Variants in DLGAP2 observed in about 807,000 individuals in gnomAD.
The protein encoded by DLGAP2 is disks large-associated protein 2.
In DLGAP2, 26 loss-of-function variants were observed where a neutral mutation model predicts 100.3. That is an observed-to-expected ratio of 0.26 (90% CI 0.19 to 0.36). The LOEUF is 0.36. DLGAP2 is among the 10% of genes least tolerant of loss of function. DLGAP2 has a pLI of 1.00. For missense variants in DLGAP2, 1,858 were observed against 1,453.2 expected, an observed-to-expected ratio of 1.28 and a Z score of -4.53; for synonymous variants, 886 against 630.1, an observed-to-expected ratio of 1.41 and a Z score of -6.08.
rs190450687 is a variant in DLGAP2, at chr8:1,373,105, G to A, written c.106+114222G>A. On this transcript the variant is annotated intron_variant, in intron 3 of 14. Coordinates refer to ENST00000637795, the MANE Select transcript of DLGAP2 (RefSeq NM_001346810.2). ...GGTGAGTGATGACCCCGAGACCTCC[G>A]TGCCTGGGGGGGCGCCAGCATGTGG... is the stretch of plus-strand genomic sequence containing the variant. Among the ~76,000 whole-genome samples, 1,061 of 152,306 alleles carry A rather than the reference G, an allele frequency of 7.0e-3. 9 individuals are homozygous for A. The highest frequency in any genetic ancestry group is 0.024 in the African/African-American group (988 of 41,568).
At chr8:1,665,788 A>G (rs1474097165) in intron 8 of DLGAP2, among the ~76,000 whole-genome samples, 1 of 152,252 alleles carries the variant, frequency 6.6e-6, no homozygotes, top group African/African-American at 2.4e-5. Flanking sequence ...CGTGTCATTG[A>G]TGATAAAGAT....
intron 3 of DLGAP2, among the ~76,000 whole-genome samples, chr8:1,408,024 T>A (rs1318699225): frequency 6.6e-6 from 1 of 152,208 alleles, no homozygotes; most frequent in Admixed American, 6.5e-5. Context: ...CAGCACTGGA[T>A]GCCAGTCAGG....
rs139673468 is a variant in DLGAP2 at position 1,367,827 on chromosome 8, C to A, written c.106+108944C>A. On this transcript the variant is annotated intron_variant, in intron 3 of 14. Coordinates refer to ENST00000637795, the MANE Select transcript of DLGAP2 (RefSeq NM_001346810.2). ...AATATCAAGATTGTATCACAAATAGCAAGTTATTTAGCCTTTATCTAGACA... is the reference window on the plus strand; with the variant it reads ...AATATCAAGATTGTATCACAAATAGAAAGTTATTTAGCCTTTATCTAGACA... Among the ~76,000 whole-genome samples the A allele has an allele frequency of 3.4e-3, 519 of 152,276 alleles. 1 individual carries two copies. Among genetic ancestry groups the A allele is most frequent in the African/African-American group, 0.012 (481 of 41,564 alleles).
At chr8:1,170,370 T>G (rs1285176270) in intron 2 of DLGAP2, among the ~76,000 whole-genome samples, 11 of 152,110 alleles carry the variant, frequency 7.2e-5, no homozygotes, top group Admixed American at 5.2e-4. Context: ...TCTGCCAGGC[T>G]TTGGTATCAG....
At chr8:1,349,654 G>A (rs1321540087) in intron 3 of DLGAP2, among the ~76,000 whole-genome samples, 1 of 60,156 alleles carries the variant, frequency 1.7e-5, no homozygotes. Context: ...ACACAGGTAG[G>A]AAGGGGTGTT....
intron 1 of DLGAP2, among the ~76,000 whole-genome samples, chr8:906,718 G>C (rs1584880248): frequency 2.0e-5 from 3 of 152,354 alleles, no homozygotes; most frequent in South Asian, 4.1e-4. Context: ...TGCCCCGACT[G>C]TCTCACCGCG....
intron 2 of DLGAP2, among the ~76,000 whole-genome samples, chr8:1,118,549 G>GGCT (rs367619218): frequency 4.7e-4 from 72 of 151,700 alleles, no homozygotes; most frequent in African/African-American, 1.6e-3. Flanking sequence ...AAATGAATGG[G>GGCT]GCTGCTGCTG....
At chr8:1,336,799 CTGT>C (rs1801285378) in intron 3 of DLGAP2, among the ~76,000 whole-genome samples, 1 of 152,076 alleles carries the variant, frequency 6.6e-6, no homozygotes. Context: ...TACTTAAGAG[CTGT>C]TGTTCATTTA....
At chr8:1,032,790 T>C (rs1802011667) in intron 2 of DLGAP2, 1 of 152,240 alleles carries the variant, frequency 6.6e-6, no homozygotes, top group East Asian at 1.9e-4. Context: ...CTGTGACGCA[T>C]CCCGTTGTCA....
At chr8:1,138,629 C>T (rs958417696) in intron 2 of DLGAP2, among the ~76,000 whole-genome samples, 13 of 152,234 alleles carry the variant, frequency 8.5e-5, no homozygotes, top group African/African-American at 2.2e-4. Context: ...CAACGAATTC[C>T]GTCTTTAAAT....
intron 3 of DLGAP2, among the ~76,000 whole-genome samples, chr8:1,292,081 C>T (rs1800071467): frequency 6.6e-6 from 1 of 152,202 alleles, no homozygotes; most frequent in Non-Finnish European, 1.5e-5. Context: ...ACTCTGAAGA[C>T]AGATGAATTG....
intron 8 of DLGAP2, 63 bp from the exon 9 acceptor site, chr8:1,668,266 C>G: frequency 1.4e-6 from 2 of 1,405,718 alleles, no homozygotes; most frequent in Non-Finnish European, 1.9e-6. Flanking sequence ...CGTGGGGAAA[C>G]AGTAGACCAC....
At chr8:1,561,095 A>T (rs1802142385) in intron 5 of DLGAP2, among the ~76,000 whole-genome samples, 1 of 152,080 alleles carries the variant, frequency 6.6e-6, no homozygotes. Flanking sequence ...ACTAAGTCTT[A>T]TGAGATCTGA....
intron 6 of DLGAP2, among the ~76,000 whole-genome samples, chr8:1,582,514 A>AG (rs929867206): frequency 1.8e-4 from 27 of 150,372 alleles, no homozygotes; most frequent in African/African-American, 5.7e-4. Context: ...AGTCATCCTT[A>AG]GGAAAAAAAA....
At chr8:1,242,415 C>T (rs913965388) in intron 2 of DLGAP2, among the ~76,000 whole-genome samples, 13 of 152,226 alleles carry the variant, frequency 8.5e-5, no homozygotes, top group African/African-American at 2.4e-4. Flanking sequence ...GGGTCAGCAG[C>T]GAAGGGCTTG....
intron 2 of DLGAP2, among the ~76,000 whole-genome samples, chr8:1,211,403 C>T (rs1182564104): frequency 1.3e-5 from 2 of 152,214 alleles, no homozygotes; most frequent in East Asian, 3.9e-4. Flanking sequence ...ACTTTGGGTG[C>T]AGCAAAAAGG....
intron 8 of DLGAP2, among the ~76,000 whole-genome samples, chr8:1,637,359 C>T (rs930905884): frequency 3.9e-5 from 6 of 152,106 alleles, no homozygotes; most frequent in African/African-American, 1.2e-4. Context: ...AACACGTCTT[C>T]TCCTTGGATC....
At chr8:1,086,414 T>C (rs1803975978) in intron 2 of DLGAP2, among the ~76,000 whole-genome samples, 1 of 152,194 alleles carries the variant, frequency 6.6e-6, no homozygotes, top group South Asian at 2.1e-4. Flanking sequence ...TATATGGCCT[T>C]TGTTGTATTG....
At chr8:935,087 C>T (rs755177273) in intron 2 of DLGAP2, among the ~76,000 whole-genome samples, 3 of 152,192 alleles carry the variant, frequency 2.0e-5, no homozygotes, top group Non-Finnish European at 4.4e-5. Context: ...TGTAAGTGGC[C>T]ATTAAACCCC....
Sources: allele counts gnomAD v4.1 joint callset (sites outside exome capture counted in the v4.1 genomes callset), GRCh38; gene constraint gnomAD v4.1.1; transcripts MANE v1.5; gene names NCBI Gene and HGNC (gene_info 2026-07-23, HGNC 2026-07-21).